NR3C2: variants seen among roughly 807,000 people sequenced by gnomAD.
NR3C2 encodes the protein mineralocorticoid receptor.
In NR3C2, 15 loss-of-function variants were observed where a neutral mutation model predicts 86.4. That is an observed-to-expected ratio of 0.17 (90% CI 0.12 to 0.27). The LOEUF is 0.27. Ranked by LOEUF, NR3C2 falls within the 10% of genes least tolerant of loss-of-function variation. NR3C2 has a pLI of 1.00. For synonymous variants in NR3C2, 458 were observed against 450.5 expected (o/e 1.02, Z -0.21); for missense variants, 960 against 1,195.6 (o/e 0.80, Z 2.91).
At chr4:148,218,377 G>C (rs1217947065) in intron 3 of NR3C2, among the ~76,000 whole-genome samples, 1 of 152,118 alleles carries the variant, frequency 6.6e-6, no homozygotes, top group African/African-American at 2.4e-5. Context: ...CAAAATCATA[G>C]GAAATGCTAC....
intron 2 of NR3C2, among the ~76,000 whole-genome samples, chr4:148,311,433 C>G (rs1742894972): frequency 6.6e-6 from 1 of 152,130 alleles, no homozygotes; most frequent in South Asian, 2.1e-4. Flanking sequence ...AGCCCCGGAG[C>G]CATCTTTTTC....
chr4:148,106,489 T>C (rs1389520213), intron 8 of NR3C2, among the ~76,000 whole-genome samples: 5 of 152,194 alleles, frequency 3.3e-5, no homozygotes, highest in African/African-American at 1.2e-4. Context: ...CCATTGACTG[T>C]CTTTGCAGAA....
chr4:148,241,422 G>T (rs10026777), intron 3 of NR3C2, among the ~76,000 whole-genome samples: 122,893 of 122,894 alleles, frequency 1, 61,446 homozygotes, highest in Non-Finnish European at 1. Context: ...AACTCTAATG[G>T]CACACTTATT....
chr4:148,169,210 T>A (rs1193113243), intron 4 of NR3C2, among the ~76,000 whole-genome samples: 2 of 152,238 alleles, frequency 1.3e-5, no homozygotes, highest in Non-Finnish European at 2.9e-5. Flanking sequence ...TAATCTTTCA[T>A]AACATTAACA....
At chr4:148,253,462 G>A (rs1046336049) in intron 3 of NR3C2, among the ~76,000 whole-genome samples, 1 of 152,188 alleles carries the variant, frequency 6.6e-6, no homozygotes, top group Non-Finnish European at 1.5e-5. Context: ...ACACACGTGT[G>A]CCACGCATGC....
chr4:148,219,051 T>G (rs1244468853), intron 3 of NR3C2, among the ~76,000 whole-genome samples: 1 of 152,234 alleles, frequency 6.6e-6, no homozygotes, highest in African/African-American at 2.4e-5. Flanking sequence ...TTTTCCATGC[T>G]GGCTACACCA....
In NR3C2 at chr4:148,435,979, T is replaced by G; in HGVS notation, c.882A>C (p.Arg294Ser). ...TATTTGCAGGGCTAGACACAGAGGATCTCAGAGTGACATTATTGGGACTGG... is the reference window on the plus strand; with the variant it reads ...TATTTGCAGGGCTAGACACAGAGGAGCTCAGAGTGACATTATTGGGACTGG... ...PVSSPNNVTL[R>S]SSVSSPANIN... Residue 294 changes from arginine to serine, a missense_variant, in exon 2 of 9, where the codon AGA (arginine) becomes AGC (serine). Arg to Ser is a moderately radical substitution (Grantham distance 110, BLOSUM62 -1). Coordinates refer to ENST00000358102, the MANE Select transcript of NR3C2 (RefSeq NM_000901.5). 1 of 1,614,140 alleles carries G rather than the reference T, an allele frequency of 6.2e-7. No individual in the cohort carries two copies. Among genetic ancestry groups the G allele is most frequent in the South Asian group, 1.1e-5 (1 of 91,084 alleles).
chr4:148,105,339 C>G (rs372004005), intron 8 of NR3C2, among the ~76,000 whole-genome samples: 1 of 152,074 alleles, frequency 6.6e-6, no homozygotes, highest in Non-Finnish European at 1.5e-5. Context: ...TATATTGAAT[C>G]CCTGAATAGA....
At chr4:148,306,252 T>C (rs887270447) in intron 2 of NR3C2, among the ~76,000 whole-genome samples, 10 of 152,188 alleles carry the variant, frequency 6.6e-5, no homozygotes, top group African/African-American at 2.2e-4. Context: ...TGTACCCCTT[T>C]TTTGAAACTC....
chr4:148,194,926 A>G, intron 3 of NR3C2, 64 bp from the exon 4 acceptor site: 3 of 1,116,596 alleles, frequency 2.7e-6, no homozygotes, highest in Non-Finnish European at 4.0e-6. Flanking sequence ...ATTAATATGT[A>G]TACTCAGAAT....
chr4:148,367,963 G>A (rs115322366), intron 2 of NR3C2, among the ~76,000 whole-genome samples: 155 of 150,022 alleles, frequency 1.0e-3, no homozygotes, highest in African/African-American at 3.5e-3. Context: ...TTTCACATCC[G>A]CCCTCCTGCT....
At chr4:148,204,958 C>T (rs1736927433) in intron 3 of NR3C2, among the ~76,000 whole-genome samples, 1 of 152,302 alleles carries the variant, frequency 6.6e-6, no homozygotes, top group African/African-American at 2.4e-5. Flanking sequence ...TCTCAGTGAT[C>T]AGATTTTTGC....
At chr4:148,166,676 C>T (rs1001266193) in intron 4 of NR3C2, among the ~76,000 whole-genome samples, 4 of 152,060 alleles carry the variant, frequency 2.6e-5, no homozygotes, top group Admixed American at 1.3e-4. Context: ...AAGATACCAA[C>T]TCACTGAAAA....
intron 2 of NR3C2, among the ~76,000 whole-genome samples, chr4:148,290,633 C>T (rs1741753323): frequency 6.6e-6 from 1 of 152,192 alleles, no homozygotes; most frequent in African/African-American, 2.4e-5. Context: ...AAATTTTATT[C>T]CATATCTTCC....
chr4:148,182,207 G>T (rs962143500), intron 4 of NR3C2, among the ~76,000 whole-genome samples: 12 of 152,188 alleles, frequency 7.9e-5, no homozygotes, highest in Middle Eastern at 3.4e-3. Context: ...TGCATAAAAG[G>T]GTTTTAATTC....
At chr4:148,210,222 G>C (rs959467297) in intron 3 of NR3C2, among the ~76,000 whole-genome samples, 1 of 152,006 alleles carries the variant, frequency 6.6e-6, no homozygotes, top group Non-Finnish European at 1.5e-5. Context: ...ATGGAGTCTT[G>C]CTCTGTCACC....
At chr4:148,115,958 A>C (rs1485709926) in intron 7 of NR3C2, among the ~76,000 whole-genome samples, 1 of 152,220 alleles carries the variant, frequency 6.6e-6, no homozygotes, top group African/African-American at 2.4e-5. Context: ...CAGGATGTTA[A>C]TAGTAAAATC....
chr4:148,131,126 C>T (rs769263009), intron 6 of NR3C2, among the ~76,000 whole-genome samples: 8 of 152,190 alleles, frequency 5.3e-5, no homozygotes, highest in Non-Finnish European at 7.4e-5. Context: ...GTCATCGCGC[C>T]CAGCCAAACA....
At chr4:148,274,214 G>A (rs545712291) in intron 2 of NR3C2, among the ~76,000 whole-genome samples, 92 of 152,258 alleles carry the variant, frequency 6.0e-4, no homozygotes, top group Non-Finnish European at 1.2e-3. Flanking sequence ...GGGATCTCCC[G>A]TTAAGAACAA....
Sources: allele counts gnomAD v4.1 joint callset (sites outside exome capture counted in the v4.1 genomes callset), GRCh38; gene constraint gnomAD v4.1.1; transcripts MANE v1.5; gene names NCBI Gene and HGNC (gene_info 2026-07-23, HGNC 2026-07-21).